The following CNIH3 variants were observed in gnomAD, a reference collection of about 807,000 sequenced individuals.
CNIH3 encodes cornichon family AMPA receptor auxiliary protein 3.
Under a neutral mutation model 24.1 loss-of-function variants are expected in CNIH3, and 14 were observed. The ratio of observed to expected loss-of-function variants is 0.58; its 90% CI spans 0.38 to 0.91. The LOEUF is 0.91. Ranked by LOEUF, CNIH3 falls within the 40% of genes least tolerant of loss-of-function variation. The pLI, the probability that CNIH3 is intolerant of heterozygous loss-of-function variation, is 0.00. For synonymous variants in CNIH3, 68 were observed against 73.8 expected, an observed-to-expected ratio of 0.92 and a Z score of 0.40; for missense variants, 178 against 196.8, an observed-to-expected ratio of 0.90 and a Z score of 0.57.
At chr1:224,591,889 G>A (rs1389983368), downstream of CNIH3, among the ~76,000 whole-genome samples, 1 of 152,172 alleles carries the variant, frequency 6.6e-6, no homozygotes, top group East Asian at 1.9e-4. Flanking sequence ...CAGAGTGTGA[G>A]AATTAAAAAA....
chr1:224,627,393 T>G (rs1683590902), intron 1 of CNIH3, among the ~76,000 whole-genome samples: 1 of 152,060 alleles, frequency 6.6e-6, no homozygotes, highest in South Asian at 2.1e-4. Context: ...ACCCAGCTAA[T>G]TTTTGTATTT....
chr1:224,664,142 G>A (rs1685489596), intron 1 of CNIH3, among the ~76,000 whole-genome samples: 2 of 152,176 alleles, frequency 1.3e-5, no homozygotes, highest in South Asian at 2.1e-4. Context: ...GAATGCAACC[G>A]CATGCAGGAA....
At chr1:224,550,115 A>C (rs1679856220) in intron 3 of CNIH3, among the ~76,000 whole-genome samples, 1 of 152,194 alleles carries the variant, frequency 6.6e-6, no homozygotes, top group Non-Finnish European at 1.5e-5. Context: ...AATATCAGTG[A>C]TGATAGTTTA....
intron 1 of CNIH3, among the ~76,000 whole-genome samples, chr1:224,618,576 C>G (rs990284440): frequency 1.1e-4 from 16 of 152,188 alleles, no homozygotes; most frequent in Admixed American, 8.5e-4. Context: ...AGGGGAAACT[C>G]GGGGAGGAAG....
intron 1 of CNIH3, among the ~76,000 whole-genome samples, chr1:224,491,490 G>A (rs1180063993): frequency 2.6e-5 from 4 of 151,934 alleles, no homozygotes; most frequent in Admixed American, 6.6e-5. Context: ...TTAAAACAAT[G>A]GCAATAAATA....
chr1:224,562,634 C>T (rs757988335), intron 3 of CNIH3, among the ~76,000 whole-genome samples: 13 of 152,100 alleles, frequency 8.5e-5, no homozygotes, highest in African/African-American at 2.9e-4. Context: ...GGGCAGATCC[C>T]TCATGAATGG....
chr1:224,603,798 T>C lies in CNIH3; in HGVS notation n.402+37534T>C, dbSNP rs957633200. Reference sequence around the variant, plus strand: ...AGGTGGTTTGGATGATACTCTAGGCTGTGGTTCCTTATTACTATCACTATT... The same window carrying C: ...AGGTGGTTTGGATGATACTCTAGGCCGTGGTTCCTTATTACTATCACTATT... On this transcript the variant is annotated intron_variant and non_coding_transcript_variant, in intron 3 of 7. Transcript: ENST00000478120. Among the ~76,000 whole-genome samples, 5 of 152,242 alleles carry C rather than the reference T, an allele frequency of 3.3e-5. No homozygotes were observed. The South Asian group carries it at 1.0e-3, about 31-fold the overall frequency.
chr1:224,733,794 G>A (rs1484984055), intron 4 of CNIH3, among the ~76,000 whole-genome samples: 66 of 152,286 alleles, frequency 4.3e-4, no homozygotes, highest in African/African-American at 1.6e-3. Flanking sequence ...CCGGCAGGAG[G>A]CTGTGGCCAG....
chr1:224,456,421 G>GT (rs1188462282), intron 1 of CNIH3, among the ~76,000 whole-genome samples: 3 of 152,072 alleles, frequency 2.0e-5, no homozygotes, highest in Non-Finnish European at 2.9e-5. Flanking sequence ...TTCTTTAAGT[G>GT]TTTTTTGGAG....
At chr1:224,625,708 G>A (rs1418216793) in intron 1 of CNIH3, among the ~76,000 whole-genome samples, 1 of 152,220 alleles carries the variant, frequency 6.6e-6, no homozygotes, top group African/African-American at 2.4e-5. Flanking sequence ...GGTTGAAGGT[G>A]TGGAGGAGGG....
chr1:224,716,287 C>T (rs2125212619), intron 3 of CNIH3, among the ~76,000 whole-genome samples: 1 of 152,282 alleles, frequency 6.6e-6, no homozygotes, highest in South Asian at 2.1e-4. Context: ...AAACTCTCAC[C>T]ATATGTTTCT....
intron 3 of CNIH3, among the ~76,000 whole-genome samples, chr1:224,706,163 T>C (rs1029433975): frequency 5.3e-5 from 8 of 152,120 alleles, no homozygotes; most frequent in African/African-American, 1.9e-4. Flanking sequence ...TGTGTTCAGT[T>C]CTGAGAATTC....
chr1:224,660,354 C>G (rs1331912918), intron 1 of CNIH3, among the ~76,000 whole-genome samples: 1 of 152,148 alleles, frequency 6.6e-6, no homozygotes, highest in Non-Finnish European at 1.5e-5. Context: ...TGATCTCCCA[C>G]TGGGTCCCTC....
chr1:224,635,905 G>C (rs1002699053), intron 1 of CNIH3, among the ~76,000 whole-genome samples: 1 of 151,956 alleles, frequency 6.6e-6, no homozygotes, highest in African/African-American at 2.4e-5. Flanking sequence ...GAAATGGGGG[G>C]GTCTCACTCC....
chr1:224,635,126 G>A (rs1486445866), intron 1 of CNIH3, among the ~76,000 whole-genome samples: 1 of 152,164 alleles, frequency 6.6e-6, no homozygotes, highest in Admixed American at 6.5e-5. Context: ...GTAAGGGGAA[G>A]CAAGGGACAT....
chr1:224,707,577 T>G (rs1258702051), intron 3 of CNIH3, among the ~76,000 whole-genome samples: 5 of 152,142 alleles, frequency 3.3e-5, no homozygotes, highest in African/African-American at 9.7e-5. Flanking sequence ...CCGAGAATAT[T>G]GCTATTCAAG....
chr1:224,623,718 C>G (rs1653609825), intron 1 of CNIH3, among the ~76,000 whole-genome samples: 1 of 152,190 alleles, frequency 6.6e-6, no homozygotes, highest in Non-Finnish European at 1.5e-5. Flanking sequence ...TTCTCAGACT[C>G]AGAAGCAGCA....
intron 5 of CNIH3, among the ~76,000 whole-genome samples, chr1:224,583,898 G>C (rs895707999): frequency 3.9e-5 from 6 of 152,194 alleles, no homozygotes; most frequent in African/African-American, 1.4e-4. Context: ...ACAAGAATAA[G>C]CAAGACATGA....
At chr1:224,614,476 C>A (rs536032017), upstream of CNIH3, among the ~76,000 whole-genome samples, 5 of 152,160 alleles carry the variant, frequency 3.3e-5, no homozygotes, top group East Asian at 9.7e-4. Context: ...GAGTTTGGGA[C>A]CAGCCTGGCC....
Sources: allele counts gnomAD v4.1 joint callset (sites outside exome capture counted in the v4.1 genomes callset), GRCh38; gene constraint gnomAD v4.1.1; transcripts MANE v1.5; gene names NCBI Gene and HGNC (gene_info 2026-07-23, HGNC 2026-07-21).